Variants in TMEM131L observed in about 807,000 individuals in gnomAD.
The protein encoded by TMEM131L is transmembrane 131 like.
In TMEM131L, 54 loss-of-function variants were observed where a neutral mutation model predicts 192.2. The ratio of observed to expected loss-of-function variants is 0.28; its 90% CI spans 0.23 to 0.35. TMEM131L has a LOEUF of 0.35. Among genes scored for constraint, TMEM131L ranks in the 10% least tolerant of loss-of-function variants. TMEM131L has a pLI of 1.00. For synonymous variants in TMEM131L, 701 were observed against 704.9 expected (o/e 0.99, Z 0.09); for missense variants, 1,888 against 1,972.9 (o/e 0.96, Z 0.82).
intron 3 of TMEM131L, among the ~76,000 whole-genome samples, chr4:153,490,692 A>G (rs1294444386): frequency 6.6e-6 from 1 of 152,178 alleles, no homozygotes; most frequent in East Asian, 1.9e-4. Flanking sequence ...GTGGGGGCTC[A>G]TGCCTGTAAT....
chr4:153,623,675 G>A (rs969346778), intron 29 of TMEM131L, among the ~76,000 whole-genome samples: 3 of 152,196 alleles, frequency 2.0e-5, no homozygotes, highest in Non-Finnish European at 4.4e-5. Flanking sequence ...ATTGTAGCAT[G>A]TGTCAGCATT....
intron 25 of TMEM131L, among the ~76,000 whole-genome samples, chr4:153,608,083 C>T (rs1026479202): frequency 6.6e-6 from 1 of 151,764 alleles, no homozygotes; most frequent in African/African-American, 2.4e-5. Flanking sequence ...ATTGTGCCAC[C>T]GCACTCCAGC....
chr4:153,537,406 G>A (rs1311164088), intron 3 of TMEM131L, among the ~76,000 whole-genome samples: 2 of 152,194 alleles, frequency 1.3e-5, no homozygotes, highest in Non-Finnish European at 2.9e-5. Flanking sequence ...GAAAGTAAAC[G>A]AATGAAAGAA....
At chr4:153,627,145 G>T (rs1733904364) in intron 30 of TMEM131L, among the ~76,000 whole-genome samples, 1 of 152,080 alleles carries the variant, frequency 6.6e-6, no homozygotes, top group Non-Finnish European at 1.5e-5. Flanking sequence ...GGTTTATTGG[G>T]GGTAGGTTGT....
chr4:153,548,602 G>A (rs1400216838), intron 3 of TMEM131L, among the ~76,000 whole-genome samples: 2 of 151,962 alleles, frequency 1.3e-5, no homozygotes, highest in Non-Finnish European at 2.9e-5. Context: ...TGCGTCCGGC[G>A]GCATCACTTT....
chr4:153,508,001 G>T (rs1335659396), intron 3 of TMEM131L, among the ~76,000 whole-genome samples: 2 of 152,186 alleles, frequency 1.3e-5, no homozygotes, highest in African/African-American at 2.4e-5. Flanking sequence ...AAGACTGGAG[G>T]CAAGGAGACT....
chr4:153,540,520 G>A (rs1198961729), intron 3 of TMEM131L, among the ~76,000 whole-genome samples: 1 of 152,210 alleles, frequency 6.6e-6, no homozygotes, highest in Non-Finnish European at 1.5e-5. Context: ...ATTGTAGGAG[G>A]TGTGTGATAC....
At chr4:153,625,445 G>A (rs1036681181) in intron 29 of TMEM131L, among the ~76,000 whole-genome samples, 3 of 152,090 alleles carry the variant, frequency 2.0e-5, no homozygotes, top group Non-Finnish European at 4.4e-5. Context: ...TCTTTTGCTT[G>A]AGGGAAAGGC....
chr4:153,532,190 C>T (rs766580480), intron 3 of TMEM131L, among the ~76,000 whole-genome samples: 10 of 152,198 alleles, frequency 6.6e-5, no homozygotes, highest in Non-Finnish European at 1.3e-4. Context: ...GAATTAACTG[C>T]AGCTTACAAA....
At chr4:153,485,042 C>T (rs1732225408) in intron 3 of TMEM131L, among the ~76,000 whole-genome samples, 1 of 148,596 alleles carries the variant, frequency 6.7e-6, no homozygotes, top group African/African-American at 2.5e-5. Flanking sequence ...TGGCATGAAC[C>T]CGGGAAGTGG....
intron 7 of TMEM131L, 64 bp from the exon 8 acceptor site, chr4:153,580,762 T>G: frequency 1.1e-6 from 1 of 879,082 alleles, no homozygotes; most frequent in Admixed American, 2.1e-5. Context: ...GATAAATTGT[T>G]TATTATTAGT....
intron 3 of TMEM131L, among the ~76,000 whole-genome samples, chr4:153,495,005 T>C (rs1733066205): frequency 6.6e-6 from 1 of 152,130 alleles, no homozygotes. Context: ...CTGAGACAGA[T>C]CTGTACCAAA....
chr4:153,500,620 C>T (rs1353206265), intron 3 of TMEM131L, among the ~76,000 whole-genome samples: 1 of 152,140 alleles, frequency 6.6e-6, no homozygotes, highest in East Asian at 1.9e-4. Flanking sequence ...AAACAAAAAC[C>T]TTTGGGTCCG....
chr4:153,487,240 A>G (rs1732404606), intron 3 of TMEM131L, among the ~76,000 whole-genome samples: 1 of 152,216 alleles, frequency 6.6e-6, no homozygotes, highest in East Asian at 1.9e-4. Context: ...TTGTAGGTAA[A>G]ACAGTGGGTG....
chr4:153,601,971 G>A (rs1480932520), intron 21 of TMEM131L, 181 bp from the exon 22 acceptor site: 1 of 457,096 alleles, frequency 2.2e-6, no homozygotes, highest in Non-Finnish European at 3.8e-6. Context: ...TCCTAGAACA[G>A]AATCTATAAT....
At chr4:153,502,034 C>T (rs1733648213) in intron 3 of TMEM131L, among the ~76,000 whole-genome samples, 1 of 149,186 alleles carries the variant, frequency 6.7e-6, no homozygotes, top group Admixed American at 6.8e-5. Context: ...TCACTGCAAC[C>T]TTAACATTCA....
intron 3 of TMEM131L, among the ~76,000 whole-genome samples, chr4:153,491,042 A>G (rs1345202978): frequency 1.3e-5 from 2 of 151,988 alleles, no homozygotes; most frequent in African/African-American, 2.4e-5. Context: ...TCATATAGGT[A>G]TTGTCCGTGT....
intron 26 of TMEM131L, among the ~76,000 whole-genome samples, chr4:153,613,521 T>C (rs1432669853): frequency 2.0e-5 from 3 of 152,196 alleles, no homozygotes; most frequent in African/African-American, 7.2e-5. Flanking sequence ...TTTCTTAACC[T>C]TAGAGAGATC....
At chr4:153,535,163 A>G (rs534093071) in intron 3 of TMEM131L, among the ~76,000 whole-genome samples, 1 of 152,322 alleles carries the variant, frequency 6.6e-6, no homozygotes, top group East Asian at 1.9e-4. Flanking sequence ...AGCGGAGCTC[A>G]TGGGATTTCC....
Sources: allele counts gnomAD v4.1 joint callset (sites outside exome capture counted in the v4.1 genomes callset), GRCh38; gene constraint gnomAD v4.1.1; transcripts MANE v1.5; gene names NCBI Gene and HGNC (gene_info 2026-07-23, HGNC 2026-07-21).